Variants in SNX7 observed in about 807,000 individuals in gnomAD.
SNX7 encodes the protein sorting nexin 7.
Under a neutral mutation model 48.4 loss-of-function variants are expected in SNX7, and 35 were observed. That is an observed-to-expected ratio of 0.72 (90% CI 0.55 to 0.96). The LOEUF is 0.96. Ranked by LOEUF, SNX7 falls within the 40% of genes least tolerant of loss-of-function variation. The pLI, the probability that SNX7 is intolerant of heterozygous loss-of-function variation, is 0.00. For synonymous variants in SNX7, 190 were observed against 190.2 expected (o/e 1.00, Z 0.01); for missense variants, 553 against 548.9 (o/e 1.01, Z -0.07).
At chr1:98,671,953 G>A (rs9324393) in intron 1 of SNX7, among the ~76,000 whole-genome samples, 133,364 of 152,166 alleles carry the variant, frequency 0.88, 59,736 homozygotes, top group Non-Finnish European at 0.96. Flanking sequence ...AGTCTGTTTA[G>A]AATGAAAATT....
intron 7 of SNX7, among the ~76,000 whole-genome samples, chr1:98,736,747 A>C (rs1323925642): frequency 6.6e-6 from 1 of 152,198 alleles, no homozygotes; most frequent in Non-Finnish European, 1.5e-5. Context: ...CTGCTGTGAA[A>C]TAAGAACAGA....
intron 8 of SNX7, among the ~76,000 whole-genome samples, chr1:98,745,598 A>G (rs1366619649): frequency 1.3e-5 from 2 of 152,104 alleles, no homozygotes; most frequent in Non-Finnish European, 2.9e-5. Flanking sequence ...CATGTAGGCT[A>G]TATTTCTGGC....
At chr1:98,691,916 C>T (rs4908306) in intron 4 of SNX7, among the ~76,000 whole-genome samples, 374 of 47,312 alleles carry the variant, frequency 7.9e-3, no homozygotes, top group African/African-American at 0.023. Context: ...CATATATATA[C>T]ACACACACAC....
At chr1:98,708,645 A>G (rs965271588) in intron 7 of SNX7, among the ~76,000 whole-genome samples, 1 of 152,150 alleles carries the variant, frequency 6.6e-6, no homozygotes, top group Non-Finnish European at 1.5e-5. Flanking sequence ...GAAGGCCCTC[A>G]GCAGCCAGCT....
At chr1:98,677,191 A>G (rs552509647) in intron 1 of SNX7, 4 of 152,378 alleles carry the variant, frequency 2.6e-5, no homozygotes, top group African/African-American at 7.2e-5. Context: ...TGAAAGAACC[A>G]TTATTTGAAT....
At chr1:98,758,808 G>A (rs551520792) in intron 8 of SNX7, among the ~76,000 whole-genome samples, 2 of 151,880 alleles carry the variant, frequency 1.3e-5, no homozygotes, top group East Asian at 1.9e-4. Flanking sequence ...TTTATTATTA[G>A]CTTCCTAAGT....
In SNX7 at chr1:98,749,325, A is replaced by C. The variant is rs1654466910; in HGVS notation, c.1279-10729A>C. ...AGAATAATGCTACAGAATAATAAAA[A>C]AATGGACCACAAGATGGCGTTTGTA... On this transcript the variant is annotated intron_variant, in intron 8 of 8. Transcript: ENST00000306121. Among the ~76,000 whole-genome samples, 3 of 152,130 alleles carry C rather than the reference A, an allele frequency of 2.0e-5. 1 individual carries two copies. The South Asian group carries it at 6.2e-4, about 32-fold the overall frequency.
intron 2 of SNX7, among the ~76,000 whole-genome samples, chr1:98,690,692 A>C (rs888173611): frequency 1.3e-5 from 2 of 152,094 alleles, no homozygotes; most frequent in African/African-American, 4.8e-5. Context: ...TCTGAATTCT[A>C]ATCATCTTGA....
intron 4 of SNX7, 123 bp from the exon 5 acceptor site, chr1:98,695,391 TAAAA>T: frequency 1.2e-6 from 1 of 819,740 alleles, no homozygotes; most frequent in East Asian, 2.6e-5. Context: ...AAGCTAACAT[TAAAA>T]AAGATTGATG....
At chr1:98,703,957 G>T (rs1651886724) in intron 7 of SNX7, among the ~76,000 whole-genome samples, 1 of 151,818 alleles carries the variant, frequency 6.6e-6, no homozygotes, top group South Asian at 2.1e-4. Flanking sequence ...TGTTAAGAAT[G>T]GCCTATATTC....
intron 7 of SNX7, among the ~76,000 whole-genome samples, chr1:98,731,331 A>G (rs980223373): frequency 3.3e-5 from 5 of 152,092 alleles, no homozygotes; most frequent in South Asian, 2.1e-4. Flanking sequence ...ACTGGCCCAT[A>G]GTAGACAGGA....
chr1:98,706,330 G>A (rs1227054455), intron 7 of SNX7, among the ~76,000 whole-genome samples: 1 of 152,186 alleles, frequency 6.6e-6, no homozygotes, highest in Non-Finnish European at 1.5e-5. Flanking sequence ...AGTAATATGT[G>A]TACCTGGGGG....
intron 1 of SNX7, among the ~76,000 whole-genome samples, chr1:98,666,556 A>T (rs961659676): frequency 4.6e-5 from 7 of 152,102 alleles, no homozygotes; most frequent in Non-Finnish European, 1.0e-4. Flanking sequence ...CAGAAAATAG[A>T]TGGGTGGGGT....
chr1:98,672,584 A>G (rs1649928262), intron 1 of SNX7, among the ~76,000 whole-genome samples: 1 of 151,908 alleles, frequency 6.6e-6, no homozygotes, highest in South Asian at 2.1e-4. Flanking sequence ...CCAAATTTTT[A>G]GAATAGAGTA....
intron 8 of SNX7, among the ~76,000 whole-genome samples, chr1:98,759,645 AC>A (rs1655018310): frequency 6.6e-6 from 1 of 151,966 alleles, no homozygotes. Context: ...AGCTGAAGAA[AC>A]TCCAATAAAG....
intron 1 of SNX7, among the ~76,000 whole-genome samples, chr1:98,671,429 A>G (rs1057207889): frequency 6.6e-6 from 1 of 152,184 alleles, no homozygotes; most frequent in African/African-American, 2.4e-5. Context: ...GTGTTAAAAC[A>G]TAGGGTTAAA....
chr1:98,745,713 C>G (rs1275993936), intron 8 of SNX7, among the ~76,000 whole-genome samples: 3 of 152,048 alleles, frequency 2.0e-5, no homozygotes, highest in African/African-American at 4.8e-5. Flanking sequence ...CTTGTACCTG[C>G]ATTATCTTAC....
intron 8 of SNX7, among the ~76,000 whole-genome samples, chr1:98,754,693 A>T (rs1016544385): frequency 3.3e-5 from 5 of 151,928 alleles, no homozygotes; most frequent in Non-Finnish European, 7.4e-5. Flanking sequence ...AATTTATGTC[A>T]TCTCTTTTTT....
At chr1:98,684,602 G>A (rs1166521029) in intron 1 of SNX7, among the ~76,000 whole-genome samples, 2 of 152,100 alleles carry the variant, frequency 1.3e-5, no homozygotes, top group Admixed American at 1.3e-4. Context: ...TTGCATTGGG[G>A]ATTAAGTTTC....
Sources: gnomAD v4.1 joint callset for allele counts (sites outside exome capture counted in the v4.1 genomes callset) on GRCh38, gnomAD v4.1.1 for gene constraint, MANE v1.5 for transcripts, NCBI Gene and HGNC (gene_info 2026-07-23, HGNC 2026-07-21) for gene names.